ANXA8: variants seen among roughly 807,000 people sequenced by gnomAD.
ANXA8 encodes the protein VAC-beta.
ANXA8 carries 9 observed loss-of-function variants against 26.8 expected under a neutral mutation model. The observed-to-expected ratio is 0.34, with a 90% CI of 0.20 to 0.59. The LOEUF is 0.59. Ranked by LOEUF, ANXA8 falls within the 20% of genes least tolerant of loss-of-function variation. The pLI, the probability that ANXA8 is intolerant of heterozygous loss-of-function variation, is 0.84. For synonymous variants in ANXA8, 39 were observed against 94.8 expected (o/e 0.41, Z 3.42); for missense variants, 83 against 238.5 (o/e 0.35, Z 4.29).
chr10:47,663,235 T>C, the ANXA8 span, among the ~76,000 whole-genome samples: 1 of 148,510 alleles, frequency 6.7e-6, no homozygotes, highest in Non-Finnish European at 1.5e-5. Context: ...TGTTGGGTGG[T>C]TTAGAGATGT....
chr10:47,570,525 C>A, the ANXA8 span, among the ~76,000 whole-genome samples: 1 of 150,114 alleles, frequency 6.7e-6, no homozygotes, highest in African/African-American at 2.5e-5. Context: ...GTAATCCCAG[C>A]ATTTTTGGAG....
the ANXA8 span, chr10:47,581,566 A>G: frequency 1.4e-5 from 7 of 484,022 alleles, no homozygotes; most frequent in Non-Finnish European, 2.8e-5. Flanking sequence ...GCTCTCCTCC[A>G]TCCTTCTTCA....
At chr10:47,636,515 G>A in the ANXA8 span, among the ~76,000 whole-genome samples, 1 of 145,214 alleles carries the variant, frequency 6.9e-6, no homozygotes, top group Non-Finnish European at 1.5e-5. Flanking sequence ...TCATTTTTTA[G>A]AAGTTTTATT....
At chr10:47,702,502 A>G in the ANXA8 span, among the ~76,000 whole-genome samples, 1 of 150,976 alleles carries the variant, frequency 6.6e-6, no homozygotes, top group African/African-American at 2.4e-5. Flanking sequence ...CACCACGCCC[A>G]GATAATTTTT....
At chr10:47,743,281 CACAT>C in the ANXA8 span, among the ~76,000 whole-genome samples, 1 of 64,718 alleles carries the variant, frequency 1.5e-5, no homozygotes, top group Non-Finnish European at 3.4e-5. Flanking sequence ...TATATATACA[CACAT>C]ATATATATAC....
chr10:47,967,652 A>G, the ANXA8 span, among the ~76,000 whole-genome samples: 1 of 81,722 alleles, frequency 1.2e-5, no homozygotes, highest in African/African-American at 4.3e-5. Flanking sequence ...TGTGGGATAC[A>G]GGCATGCTCC....
At chr10:47,584,134 G>A in the ANXA8 span, among the ~76,000 whole-genome samples, 827 of 147,678 alleles carry the variant, frequency 5.6e-3, 4 homozygotes, top group Non-Finnish European at 9.1e-3. Context: ...AGCCGAGATC[G>A]CACCACTGCA....
the ANXA8 span, among the ~76,000 whole-genome samples, chr10:47,979,318 G>C: frequency 2.0e-5 from 3 of 151,678 alleles, no homozygotes; most frequent in Non-Finnish European, 4.4e-5. Context: ...ACCCACTAGA[G>C]CTGGTAGTTA....
chr10:47,937,533 G>T, the ANXA8 span, among the ~76,000 whole-genome samples: 101 of 143,554 alleles, frequency 7.0e-4, 2 homozygotes, highest in East Asian at 0.017. Flanking sequence ...CTTGTGTCAT[G>T]GGGATTTGTT....
chr10:47,969,291 G>A, the ANXA8 span, among the ~76,000 whole-genome samples: 6 of 151,410 alleles, frequency 4.0e-5, no homozygotes, highest in Non-Finnish European at 8.9e-5. Context: ...AGGGTGTATT[G>A]TACTCCCCAC....
chr10:47,564,049 C>T, the ANXA8 span, among the ~76,000 whole-genome samples: 1 of 134,592 alleles, frequency 7.4e-6, no homozygotes, highest in Non-Finnish European at 1.6e-5. Flanking sequence ...CCCGCCCCAG[C>T]TGCGCGGGCC....
chr10:47,669,666 G>C, the ANXA8 span, among the ~76,000 whole-genome samples: 1 of 151,556 alleles, frequency 6.6e-6, no homozygotes. Context: ...AGCGTGCTGA[G>C]ATCATGTCAC....
At chr10:47,907,338 C>T in the ANXA8 span, among the ~76,000 whole-genome samples, 2 of 152,148 alleles carry the variant, frequency 1.3e-5, no homozygotes, top group Non-Finnish European at 2.9e-5. Flanking sequence ...GCCTGGGCGA[C>T]AGAGCGAGAC....
the ANXA8 span, among the ~76,000 whole-genome samples, chr10:47,743,251 T>TATATATATACAC: frequency 4.6e-4 from 56 of 121,264 alleles, no homozygotes; most frequent in Middle Eastern, 4.2e-3. Flanking sequence ...GCTTCATATA[T>TATATATATACAC]ATATATATAT....
chr10:47,648,422 C>A, the ANXA8 span, among the ~76,000 whole-genome samples: 3 of 150,332 alleles, frequency 2.0e-5, no homozygotes, highest in Non-Finnish European at 2.9e-5. Flanking sequence ...TCTGTGGTTA[C>A]AGAGACCTCA....
the ANXA8 span, among the ~76,000 whole-genome samples, chr10:47,600,329 G>T: frequency 6.6e-6 from 1 of 150,464 alleles, no homozygotes; most frequent in African/African-American, 2.5e-5. Context: ...CAGCGCTTGG[G>T]CCAAGGTAGC....
At chr10:47,778,682 A>G in the ANXA8 span, among the ~76,000 whole-genome samples, 1 of 151,980 alleles carries the variant, frequency 6.6e-6, no homozygotes, top group African/African-American at 2.4e-5. Context: ...TGAGAACCAT[A>G]AAGGCGCCTT....
the ANXA8 span, among the ~76,000 whole-genome samples, chr10:47,743,367 TATAC>T: frequency 3.6e-5 from 2 of 55,646 alleles, no homozygotes; most frequent in African/African-American, 1.2e-4. Context: ...CATATATATA[TATAC>T]ATATATATGT....
chr10:47,716,002 G>C, the ANXA8 span: 1 of 1,253,746 alleles, frequency 8.0e-7, no homozygotes, highest in Non-Finnish European at 1.1e-6. Flanking sequence ...TCCCCGCTCA[G>C]CCTTTCGCGT....
Sources: gnomAD v4.1 joint callset for allele counts (sites outside exome capture counted in the v4.1 genomes callset) on GRCh38, gnomAD v4.1.1 for gene constraint, MANE v1.5 for transcripts, NCBI Gene and HGNC (gene_info 2026-07-23, HGNC 2026-07-21) for gene names.